The following PAM variants were observed in gnomAD, a reference collection of about 807,000 sequenced individuals.
The protein encoded by PAM is peptidyl-glycine alpha-amidating monooxygenase.
In PAM, 72 loss-of-function variants were observed where a neutral mutation model predicts 122.1. The observed-to-expected ratio is 0.59, with a 90% confidence interval of 0.49 to 0.72. PAM has a LOEUF of 0.72. Among genes scored for constraint, PAM ranks in the 30% least tolerant of loss-of-function variants. PAM has a pLI of 0.00. For synonymous variants in PAM, 389 were observed against 404.4 expected (o/e 0.96, Z 0.46); for missense variants, 1,106 against 1,183.7 (o/e 0.93, Z 0.96).
chr5:103,028,061 A>G (rs1299544890), intron 24 of PAM, 124 bp from the exon 25 acceptor site: 3 of 720,974 alleles, frequency 4.2e-6, no homozygotes, highest in Admixed American at 2.4e-5. Flanking sequence ...TTAGAATTGC[A>G]TACAGACAAG....
chr5:103,006,644 A>C (rs1289415462), intron 18 of PAM, among the ~76,000 whole-genome samples, 157 bp from the exon 19 acceptor site: 2 of 152,230 alleles, frequency 1.3e-5, no homozygotes, highest in Non-Finnish European at 2.9e-5. Flanking sequence ...GATGATTTCT[A>C]GGATCCCGTT....
In PAM at chr5:103,019,828, G is replaced by T; in HGVS notation, c.2470G>T (p.Val824Phe). The change falls in exon 23 of 26, where the codon GTC becomes TTC. Residue 824 changes from valine (V) to phenylalanine (F), a missense_variant. By Grantham distance (50) the Val-to-Phe change is conservative. Coordinates refer to ENST00000438793, the MANE Select transcript of PAM (RefSeq NM_001177306.2). ...ATCAGTTAAAAAGGCTGGCATTGAGGTCCAGGAAATCAAAGGTTGGTCAGA... is the reference window on the plus strand; with the variant it reads ...ATCAGTTAAAAAGGCTGGCATTGAGTTCCAGGAAATCAAAGGTTGGTCAGA... ...HRSVKKAGIE[V>F]QEIKEAEAVV... is the part of the protein sequence containing the mutation. The T allele has an allele frequency of 6.2e-7, 1 of 1,606,208 alleles. No individual in the cohort carries two copies. The highest frequency in any genetic ancestry group is 8.5e-7 in the Non-Finnish European group (1 of 1,172,968).
intron 8 of PAM, 68 bp from the exon 9 acceptor site, chr5:102,948,310 G>A (rs140557297): frequency 0.013 from 10,873 of 835,780 alleles, 81 homozygotes; most frequent in Non-Finnish European, 0.017. Flanking sequence ...TGAGGTATAT[G>A]CTGTTTTTCC....
intron 1 of PAM, among the ~76,000 whole-genome samples, chr5:102,788,246 TATG>T (rs1561449486): frequency 6.6e-6 from 1 of 152,120 alleles, no homozygotes; most frequent in African/African-American, 2.4e-5. Flanking sequence ...AATAAACATT[TATG>T]ATAAGAAACT....
intron 7 of PAM, among the ~76,000 whole-genome samples, chr5:102,942,338 C>T (rs935587544): frequency 1.3e-5 from 2 of 151,868 alleles, no homozygotes; most frequent in African/African-American, 4.8e-5. Context: ...TAATTTAGAA[C>T]AAAGAACCAT....
intron 1 of PAM, among the ~76,000 whole-genome samples, chr5:102,828,659 A>C (rs530469640): frequency 3.9e-5 from 6 of 152,314 alleles, no homozygotes; most frequent in Admixed American, 2.6e-4. Context: ...AGTCTCTGGC[A>C]TATAGAAGGT....
chr5:102,926,701 T>C (rs1254457392), intron 7 of PAM, 33 bp downstream of exon 7: 1 of 1,043,470 alleles, frequency 9.6e-7, no homozygotes, highest in Non-Finnish European at 1.5e-6. Context: ...TAAGCAAAAC[T>C]TCTAGTACTA....
chr5:102,917,532 A>C (rs115643906), intron 5 of PAM, among the ~76,000 whole-genome samples: 286 of 152,346 alleles, frequency 1.9e-3, no homozygotes, highest in African/African-American at 6.5e-3. Flanking sequence ...TGTTTTAAGG[A>C]AAGAAGAAAA....
chr5:103,017,552 A>G, intron 22 of PAM, 119 bp downstream of exon 22: 1 of 685,948 alleles, frequency 1.5e-6, no homozygotes, highest in Non-Finnish European at 2.6e-6. Flanking sequence ...GAATCAAAGT[A>G]TAAAGCAGTT....
At chr5:102,907,625 C>T (rs1302398586) in intron 4 of PAM, among the ~76,000 whole-genome samples, 1 of 150,450 alleles carries the variant, frequency 6.6e-6, no homozygotes, top group African/African-American at 2.4e-5. Flanking sequence ...ACATCCTCTC[C>T]AGCACCTGTT....
At position 102,859,464 on chromosome 5, in the gene PAM, A is replaced by G. The variant is rs569745213; in HGVS notation, c.-373-6359A>G. Among the ~76,000 whole-genome samples, 4 of 152,258 alleles carry G rather than the reference A, an allele frequency of 2.6e-5. No individual in the cohort carries two copies. The South Asian group carries it at 8.3e-4, about 32-fold the overall frequency. ...AAGATATACAGAAAGAAAATATTTTATATACTTGTACAATGCATTTGTTTT... is the reference window on the plus strand; with the variant it reads ...AAGATATACAGAAAGAAAATATTTTGTATACTTGTACAATGCATTTGTTTT... On this transcript the variant is annotated intron_variant, in intron 1 of 25. Transcript: ENST00000438793.
At chr5:102,841,367 T>TC (rs1376596147) in intron 1 of PAM, among the ~76,000 whole-genome samples, 1 of 151,628 alleles carries the variant, frequency 6.6e-6, no homozygotes. Flanking sequence ...GTCTTGTTTT[T>TC]CTAGCTTCTC....
chr5:102,898,932 C>T (rs933060712), intron 3 of PAM, among the ~76,000 whole-genome samples: 5 of 151,650 alleles, frequency 3.3e-5, no homozygotes, highest in East Asian at 2.0e-4. Flanking sequence ...TTTTTCCATG[C>T]GTAAAATGGT....
intron 20 of PAM, among the ~76,000 whole-genome samples, chr5:103,008,193 T>TAATAA (rs3074201): frequency 0.46 from 69,718 of 151,232 alleles, 17,452 homozygotes; most frequent in African/African-American, 0.67. Context: ...TAATTCAGAC[T>TAATAA]AATAAAATAC....
intron 1 of PAM, among the ~76,000 whole-genome samples, chr5:102,768,615 T>G (rs1580826035): frequency 6.6e-6 from 1 of 152,156 alleles, no homozygotes; most frequent in African/African-American, 2.4e-5. Flanking sequence ...CCTGGCTTAT[T>G]TCACTGAACA....
At chr5:102,835,636 G>A (rs932621123) in intron 1 of PAM, among the ~76,000 whole-genome samples, 9 of 151,790 alleles carry the variant, frequency 5.9e-5, no homozygotes, top group African/African-American at 2.2e-4. Flanking sequence ...TAGATACAGG[G>A]TTGCCTTATA....
At position 102,767,197 on chromosome 5, in the gene PAM, A is replaced by G. The variant is rs374219971; in HGVS notation, c.-374+11849A>G. On this transcript the variant is annotated intron_variant, in intron 1 of 25. Coordinates refer to ENST00000438793, the MANE Select transcript of PAM (RefSeq NM_001177306.2). ...TAGAATTAAAACTTTCTTTAATATT[A>G]TATACATTTTTTCTCATCAGTTTTC... Among the ~76,000 whole-genome samples the G allele has an allele frequency of 2.7e-4, 41 of 152,000 alleles. No individual in the cohort carries two copies. In the South Asian group the frequency reaches 7.9e-3, roughly 29 times the overall value.
At chr5:103,025,374 G>A in intron 24 of PAM, 40 bp downstream of exon 24, 1 of 1,512,824 alleles carries the variant, frequency 6.6e-7, no homozygotes, top group Non-Finnish European at 9.2e-7. Flanking sequence ...ACCTGCCTTT[G>A]AAAGAGTGTT....
At chr5:102,948,543 A>G (rs1318878611) in intron 9 of PAM, 98 bp downstream of exon 9, 1 of 651,190 alleles carries the variant, frequency 1.5e-6, no homozygotes, top group Non-Finnish European at 2.7e-6. Context: ...AATAATCAAT[A>G]TTTTTATGTC....
Sources: gnomAD v4.1 joint callset for allele counts (sites outside exome capture counted in the v4.1 genomes callset) on GRCh38, gnomAD v4.1.1 for gene constraint, MANE v1.5 for transcripts, NCBI Gene and HGNC (gene_info 2026-07-23, HGNC 2026-07-21) for gene names.